MED12L: variants seen among roughly 807,000 people sequenced by gnomAD.
The protein encoded by MED12L is mediator complex subunit 12L.
A neutral mutation model predicts 281.3 loss-of-function variants in MED12L; 60 were observed. The ratio of observed to expected loss-of-function variants is 0.21; its 90% CI spans 0.17 to 0.26. The LOEUF (loss-of-function observed/expected upper bound fraction) is 0.26, where lower values mean the gene tolerates loss of function less well. Ranked by LOEUF, MED12L falls within the 10% of genes least tolerant of loss-of-function variation. MED12L has a pLI of 1.00. For synonymous variants in MED12L, 974 were observed against 987.2 expected, an observed-to-expected ratio of 0.99 and a Z score of 0.25; for missense variants, 2,146 against 2,680.9, an observed-to-expected ratio of 0.80 and a Z score of 4.41.
chr3:151,238,019 C>G (rs932560202), intron 16 of MED12L, among the ~76,000 whole-genome samples: 1 of 152,132 alleles, frequency 6.6e-6, no homozygotes, highest in Non-Finnish European at 1.5e-5. Context: ...AGTTATATTT[C>G]AAGAAGCAAA....
At chr3:151,425,566 TTGTGTG>T (rs149475948) in intron 43 of MED12L, 1 of 383,912 alleles carries the variant, frequency 2.6e-6, no homozygotes, top group Non-Finnish European at 5.4e-6. Context: ...TTGTTTTTGT[TTGTGTG>T]TGTGTGTGTG....
chr3:151,412,979 A>G (rs887858268), intron 41 of MED12L, among the ~76,000 whole-genome samples, 160 bp from the exon 42 acceptor site: 5 of 152,272 alleles, frequency 3.3e-5, no homozygotes, highest in Admixed American at 1.3e-4. Context: ...AAGTGGTCAC[A>G]TCTATTATTT....
At position 151,384,147 on chromosome 3, in the gene MED12L, C is replaced by G; in HGVS notation, c.4855C>G (p.Leu1619Val). The change falls in exon 35 of 45, where the codon CTA becomes GTA. Residue 1619 changes from leucine (L) to valine (V), a missense_variant. Around this residue, in one of 9 missense-constraint regions of MED12L, gnomAD observed 212 missense variants for 340.8 expected, o/e 0.62. Transcript: ENST00000687756. ...AATCAATGGAACGTTAGCCTCTGACCTATCAAATGCATCCCCTGGGGGATC... is the reference window on the plus strand; with the variant it reads ...AATCAATGGAACGTTAGCCTCTGACGTATCAAATGCATCCCCTGGGGGATC... ...VLINGTLASDLSNASPGGSEE... is the reference protein window; with the variant it reads ...VLINGTLASDVSNASPGGSEE... The G allele has an allele frequency of 6.2e-7, 1 of 1,613,970 alleles. No homozygotes were observed. The highest frequency in any genetic ancestry group is 2.2e-5 in the East Asian group (1 of 44,866).
intron 43 of MED12L, among the ~76,000 whole-genome samples, chr3:151,427,436 C>G (rs78772199): frequency 0.019 from 2,927 of 152,216 alleles, 90 homozygotes; most frequent in African/African-American, 0.066. Context: ...TGTACACAAG[C>G]TTCCTAGGGT....
chr3:151,391,778 G>A lies in MED12L; in HGVS notation c.5608+1643G>A, dbSNP rs564240171. The stretch of plus-strand genomic sequence containing the variant: ...ATTATCTTCCCAGAATGTAAGCCTC[G>A]TGGCAGATATTTTTCCTATTATGTT... On this transcript the variant is annotated intron_variant, in intron 38 of 44. Transcript: ENST00000687756. 2.0e-5 allele frequency among the ~76,000 whole-genome samples: 3 copies of A among 152,208 alleles called. No homozygotes were observed. In the South Asian group the frequency reaches 6.2e-4, roughly 32 times the overall value.
intron 11 of MED12L, among the ~76,000 whole-genome samples, chr3:151,184,588 C>A (rs1013179744): frequency 1.3e-5 from 2 of 152,136 alleles, no homozygotes; most frequent in Non-Finnish European, 2.9e-5. Context: ...CTCGCTGCAC[C>A]CCTATCCGCG....
intron 16 of MED12L, among the ~76,000 whole-genome samples, chr3:151,321,376 C>T (rs1748976751): frequency 6.6e-6 from 1 of 152,046 alleles, no homozygotes; most frequent in African/African-American, 2.4e-5. Flanking sequence ...CAGGATAAAG[C>T]TTCATTCATT....
chr3:151,178,127 C>T (rs1560123891), intron 11 of MED12L, among the ~76,000 whole-genome samples: 1 of 129,664 alleles, frequency 7.7e-6, no homozygotes, highest in African/African-American at 3.0e-5. Context: ...CACTACACTC[C>T]AGCCTGGGCA....
At chr3:151,294,085 T>C in intron 16 of MED12L, 1 of 870,730 alleles carries the variant, frequency 1.1e-6, no homozygotes, top group East Asian at 2.4e-5. Context: ...TGAATTCATA[T>C]TTTTGATGGG....
intron 16 of MED12L, among the ~76,000 whole-genome samples, chr3:151,251,507 G>C (rs1736853423): frequency 6.6e-6 from 1 of 152,076 alleles, no homozygotes; most frequent in African/African-American, 2.4e-5. Context: ...ACTCACCCGT[G>C]AGAGGAATCC....
chr3:151,233,691 C>A (rs1387331896), intron 16 of MED12L, among the ~76,000 whole-genome samples: 2 of 152,170 alleles, frequency 1.3e-5, no homozygotes, highest in Non-Finnish European at 2.9e-5. Context: ...CGAGATCGTG[C>A]CATTGCACTC....
chr3:151,089,935 GTTCCAAAATATAT>G (rs1226170152), intron 2 of MED12L, among the ~76,000 whole-genome samples: 2 of 152,158 alleles, frequency 1.3e-5, no homozygotes, highest in African/African-American at 4.8e-5. Context: ...ATCCTGTTCA[GTTCCAAAATATAT>G]TTCCAATCCA....
intron 16 of MED12L, among the ~76,000 whole-genome samples, chr3:151,317,450 T>TTTTTC: frequency 8.3e-6 from 1 of 120,478 alleles, no homozygotes; most frequent in Non-Finnish European, 1.7e-5. Flanking sequence ...TTTTTTTTTT[T>TTTTTC]TTTTTTTTTT....
chr3:151,379,871 A>C (rs1560103104), intron 31 of MED12L, among the ~76,000 whole-genome samples: 1 of 152,212 alleles, frequency 6.6e-6, no homozygotes, highest in South Asian at 2.1e-4. Flanking sequence ...GCTCACATGC[A>C]GTATGGTTTG....
chr3:151,282,366 TTG>T (rs1742935824), intron 16 of MED12L, among the ~76,000 whole-genome samples: 1 of 149,896 alleles, frequency 6.7e-6, no homozygotes, highest in African/African-American at 2.5e-5. Flanking sequence ...TTGTTTTTTT[TTG>T]TTTGTTTGTT....
intron 16 of MED12L, among the ~76,000 whole-genome samples, chr3:151,323,616 C>T (rs944360317): frequency 6.6e-6 from 1 of 152,204 alleles, no homozygotes; most frequent in Non-Finnish European, 1.5e-5. Flanking sequence ...GTTCAAATTT[C>T]CATCTCCTGT....
At chr3:151,331,809 G>A (rs767658099) in intron 16 of MED12L, among the ~76,000 whole-genome samples, 1 of 152,144 alleles carries the variant, frequency 6.6e-6, no homozygotes, top group Non-Finnish European at 1.5e-5. Flanking sequence ...CCAGAGATTG[G>A]TCCCATTTTT....
chr3:151,410,774 G>A (rs1465075561), intron 40 of MED12L, among the ~76,000 whole-genome samples: 1 of 152,174 alleles, frequency 6.6e-6, no homozygotes, highest in African/African-American at 2.4e-5. Flanking sequence ...TTTGGAACTG[G>A]TTAGTTACTA....
intron 16 of MED12L, among the ~76,000 whole-genome samples, chr3:151,284,397 G>A (rs1464275146): frequency 6.6e-6 from 1 of 152,102 alleles, no homozygotes; most frequent in East Asian, 1.9e-4. Context: ...TCTGGGTTGT[G>A]GGAGGGTTGT....
Sources: gnomAD v4.1 joint callset for allele counts (sites outside exome capture counted in the v4.1 genomes callset) on GRCh38, gnomAD v4.1.1 for gene constraint, gnomAD v4.1.1 regional missense constraint, MANE v1.5 for transcripts, NCBI Gene and HGNC (gene_info 2026-07-23, HGNC 2026-07-21) for gene names.